RBFOX1: variants seen among roughly 807,000 people sequenced by gnomAD.
RBFOX1 encodes the protein RNA binding fox-1 homolog 1.
Under a neutral mutation model 57.7 loss-of-function variants are expected in RBFOX1, and 8 were observed. That is an observed-to-expected ratio of 0.14 (90% CI 0.08 to 0.25). The LOEUF (loss-of-function observed/expected upper bound fraction) is 0.25. Ranked by LOEUF, RBFOX1 falls within the 10% of genes least tolerant of loss-of-function variation. The pLI is 1.00. For synonymous variants in RBFOX1, 326 were observed against 222.4 expected (o/e 1.47, Z -4.15); for missense variants, 611 against 548.5 (o/e 1.11, Z -1.14).
chr16:6,687,578 T>G (rs533622590), intron 3 of RBFOX1, among the ~76,000 whole-genome samples: 1 of 152,332 alleles, frequency 6.6e-6, no homozygotes, highest in Non-Finnish European at 1.5e-5. Context: ...GCTTATTTCT[T>G]GCCACATAAA....
chr16:5,532,546 T>G (rs2044529248), intron 2 of RBFOX1, among the ~76,000 whole-genome samples: 1 of 152,198 alleles, frequency 6.6e-6, no homozygotes, highest in Non-Finnish European at 1.5e-5. Flanking sequence ...TCATTTAGGT[T>G]AGTCTCTAAA....
chr16:7,708,677 C>G (rs1326562245), intron 14 of RBFOX1, among the ~76,000 whole-genome samples: 3 of 152,170 alleles, frequency 2.0e-5, no homozygotes, highest in Admixed American at 6.5e-5. Flanking sequence ...AAGGCACTCT[C>G]TTGAGAATTA....
chr16:5,321,718 C>G (rs550058242), intron 1 of RBFOX1, among the ~76,000 whole-genome samples: 11 of 152,236 alleles, frequency 7.2e-5, no homozygotes, highest in Non-Finnish European at 1.5e-4. Context: ...TCCTTCCACA[C>G]CTGGGGCTAC....
intron 2 of RBFOX1, among the ~76,000 whole-genome samples, chr16:5,595,428 C>T (rs965949903): frequency 1.3e-5 from 2 of 152,124 alleles, no homozygotes; most frequent in Non-Finnish European, 2.9e-5. Context: ...GGGGAGACTA[C>T]TAGACTTCTA....
chr16:6,837,319 A>G (rs538499451), intron 3 of RBFOX1, among the ~76,000 whole-genome samples: 2 of 152,296 alleles, frequency 1.3e-5, no homozygotes, highest in South Asian at 4.1e-4. Context: ...TCCATTTTGT[A>G]GATGTGCCAC....
At chr16:5,873,304 C>T (rs980464338) in intron 4 of RBFOX1, among the ~76,000 whole-genome samples, 1 of 152,186 alleles carries the variant, frequency 6.6e-6, no homozygotes, top group African/African-American at 2.4e-5. Flanking sequence ...AAGTTCACTC[C>T]TATGACTTAA....
chr16:5,872,777 G>T (rs932966178), intron 4 of RBFOX1, among the ~76,000 whole-genome samples: 1 of 152,028 alleles, frequency 6.6e-6, no homozygotes, highest in African/African-American at 2.4e-5. Context: ...CAATGCTTAA[G>T]ACAGAGCCTG....
intron 3 of RBFOX1, among the ~76,000 whole-genome samples, chr16:6,965,116 A>G (rs572332247): frequency 6.7e-6 from 1 of 149,750 alleles, no homozygotes; most frequent in Admixed American, 6.6e-5. Context: ...GTTTATCTAG[A>G]CTCTGCCTCC....
At chr16:6,061,223 A>G (rs563261631) in intron 1 of RBFOX1, among the ~76,000 whole-genome samples, 28 of 152,150 alleles carry the variant, frequency 1.8e-4, no homozygotes, top group South Asian at 1.4e-3. Flanking sequence ...CACTATAGCA[A>G]TTGATTAATA....
intron 4 of RBFOX1, among the ~76,000 whole-genome samples, chr16:7,500,645 G>T (rs1278025092): frequency 6.6e-6 from 1 of 152,172 alleles, no homozygotes; most frequent in Non-Finnish European, 1.5e-5. Context: ...ATTTCACTGA[G>T]TTACCTGGCT....
At chr16:5,397,701 C>G (rs868228568) in intron 1 of RBFOX1, among the ~76,000 whole-genome samples, 8 of 152,200 alleles carry the variant, frequency 5.3e-5, no homozygotes, top group South Asian at 2.1e-4. Context: ...GCTACGTGGA[C>G]CTTCTTTGGG....
intron 2 of RBFOX1, among the ~76,000 whole-genome samples, chr16:6,568,792 T>C (rs992735755): frequency 6.6e-6 from 1 of 152,092 alleles, no homozygotes; most frequent in African/African-American, 2.4e-5. Context: ...TTTTTTGAGA[T>C]TGAGTCTTCT....
intron 2 of RBFOX1, among the ~76,000 whole-genome samples, chr16:6,500,808 A>G (rs1023247759): frequency 2.0e-5 from 3 of 151,808 alleles, no homozygotes; most frequent in Non-Finnish European, 2.9e-5. Context: ...CAGGAGAAAA[A>G]TCATCGTGTT....
At chr16:5,978,063 A>C (rs1045094145) in intron 4 of RBFOX1, among the ~76,000 whole-genome samples, 1 of 140,052 alleles carries the variant, frequency 7.1e-6, no homozygotes, top group Non-Finnish European at 1.5e-5. Flanking sequence ...CCAAAGTGGA[A>C]GGATCACTTG....
At chr16:7,147,762 T>C (rs2075312987) in intron 4 of RBFOX1, among the ~76,000 whole-genome samples, 1 of 152,192 alleles carries the variant, frequency 6.6e-6, no homozygotes, top group Non-Finnish European at 1.5e-5. Context: ...CTATGGTGAA[T>C]AGAGCTGCAG....
intron 11 of RBFOX1, among the ~76,000 whole-genome samples, chr16:7,634,386 TTG>T (rs2061438462): frequency 7.2e-6 from 1 of 138,836 alleles, no homozygotes; most frequent in African/African-American, 2.9e-5. Context: ...CCTTTGATGT[TTG>T]TTTTTTTTTT....
At chr16:7,246,850 G>C (rs138576088) in intron 4 of RBFOX1, among the ~76,000 whole-genome samples, 9 of 152,188 alleles carry the variant, frequency 5.9e-5, no homozygotes, top group African/African-American at 2.2e-4. Context: ...AAAGGCTTCA[G>C]AGTCAAAGTT....
At chr16:6,483,609 G>A (rs2095411017) in intron 2 of RBFOX1, 2 of 1,518,076 alleles carry the variant, frequency 1.3e-6, no homozygotes, top group East Asian at 2.5e-5. Context: ...AGAGAGGGAG[G>A]GAGGGAAGGG....
At chr16:6,115,126 G>A (rs546554644) in intron 1 of RBFOX1, among the ~76,000 whole-genome samples, 69 of 152,232 alleles carry the variant, frequency 4.5e-4, no homozygotes, top group African/African-American at 1.6e-3. Context: ...CTAACGAGCC[G>A]TGAGGGTATC....
Sources: allele counts gnomAD v4.1 joint callset (sites outside exome capture counted in the v4.1 genomes callset), GRCh38; gene constraint gnomAD v4.1.1; transcripts MANE v1.5; gene names NCBI Gene and HGNC (gene_info 2026-07-23, HGNC 2026-07-21).